PCDHA4: variants seen among roughly 807,000 people sequenced by gnomAD.
PCDHA4 encodes the protein protocadherin alpha-4.
A neutral mutation model predicts 61.4 loss-of-function variants in PCDHA4; 49 were observed. The observed-to-expected ratio is 0.80, with a 90% CI of 0.63 to 1.01. The LOEUF is 1.01. Ranked by LOEUF, PCDHA4 falls within the 50% of genes least tolerant of loss-of-function variation. The pLI, the probability that PCDHA4 is intolerant of heterozygous loss-of-function variation, is 0.00. For synonymous variants in PCDHA4, 590 were observed against 550.3 expected (o/e 1.07, Z -1.01); for missense variants, 1,254 against 1,235.8 (o/e 1.01, Z -0.22).
intron 1 of PCDHA4, among the ~76,000 whole-genome samples, chr5:140,888,291 A>G (rs539984108): frequency 9.2e-5 from 14 of 152,122 alleles, no homozygotes; most frequent in Admixed American, 5.2e-4. Flanking sequence ...TCTACCCCCT[A>G]CCCAGGAGAT....
chr5:140,908,763 G>A (rs1159029668), intron 1 of PCDHA4, among the ~76,000 whole-genome samples: 5 of 152,284 alleles, frequency 3.3e-5, no homozygotes, highest in East Asian at 3.9e-4. Context: ...CAGCCTGGAC[G>A]TGTTGTAGAG....
chr5:140,986,218 T>A (rs2153838096), intron 3 of PCDHA4, among the ~76,000 whole-genome samples: 1 of 152,304 alleles, frequency 6.6e-6, no homozygotes, highest in Non-Finnish European at 1.5e-5. Flanking sequence ...GGCCCCTTTC[T>A]CTAGCCTCCC....
intron 1 of PCDHA4, among the ~76,000 whole-genome samples, chr5:140,941,319 C>CTT (rs70988781): frequency 9.6e-6 from 1 of 104,394 alleles, no homozygotes; most frequent in African/African-American, 3.7e-5. Flanking sequence ...TCTTCTTTCT[C>CTT]TTTTTTTTTT....
chr5:140,946,611 A>T (rs868983636), intron 1 of PCDHA4, among the ~76,000 whole-genome samples: 1 of 86,804 alleles, frequency 1.2e-5, no homozygotes, highest in Admixed American at 1.2e-4. Context: ...GAAAATGTGA[A>T]ATATATATAT....
At chr5:140,892,561 A>T (rs766284976) in intron 1 of PCDHA4, among the ~76,000 whole-genome samples, 1 of 152,156 alleles carries the variant, frequency 6.6e-6, no homozygotes, top group Non-Finnish European at 1.5e-5. Context: ...GTCCTTGGAG[A>T]CTGTCAAAAG....
rs184537292 is a variant in PCDHA4, at chr5:140,970,210, C to T, written c.2386-8739C>T. Among the ~76,000 whole-genome samples, 8 of 152,308 alleles carry T rather than the reference C, an allele frequency of 5.3e-5. No homozygotes were observed. The East Asian group carries it at 1.5e-3, about 29-fold the overall frequency. On this transcript the variant is annotated intron_variant, in intron 1 of 3. Transcript: ENST00000530339. Reference sequence around the variant, plus strand: ...TGTAAGAGGATTTCCCTGAATTTAGCTTAAATGCAGCCTGTAATCTTCTGA... The same window carrying T: ...TGTAAGAGGATTTCCCTGAATTTAGTTTAAATGCAGCCTGTAATCTTCTGA...
intron 1 of PCDHA4, chr5:140,841,516 G>T: frequency 6.2e-7 from 1 of 1,612,986 alleles, no homozygotes; most frequent in South Asian, 1.1e-5. Flanking sequence ...GCCTGTTCCG[G>T]GTGGCGTCCA....
chr5:140,995,346 A>G (rs2097678208), intron 3 of PCDHA4, among the ~76,000 whole-genome samples: 2 of 151,964 alleles, frequency 1.3e-5, no homozygotes, highest in South Asian at 4.2e-4. Context: ...GACGGCATGG[A>G]TAGGTCGGAC....
chr5:140,859,050 C>T lies in PCDHA4; in HGVS notation c.2385+49478C>T, dbSNP rs1375477710. ...TGCTTTGAACTTTAAAAACGTTTTC[C>T]ATTTTTATTTTAGTTGTAGTGGTAC... On this transcript the variant is annotated intron_variant, in intron 1 of 3. Transcript: ENST00000530339. 1.3e-5 allele frequency: 2 copies of T among 150,490 alleles called. 1 individual carries two copies. The highest frequency in any genetic ancestry group is 3.0e-5 in the Non-Finnish European group (2 of 67,566). The allele number at this position is 150,490 out of a possible 1,614,324, so 9.3% of individuals were successfully genotyped here.
chr5:140,842,757 C>T (rs1481721691), intron 1 of PCDHA4: 2 of 1,594,844 alleles, frequency 1.3e-6, no homozygotes, highest in Non-Finnish European at 1.7e-6. Flanking sequence ...ACGGTGTCTG[C>T]GCGAGACGCG....
At chr5:140,944,880 C>T (rs1275494519) in intron 1 of PCDHA4, among the ~76,000 whole-genome samples, 1 of 152,150 alleles carries the variant, frequency 6.6e-6, no homozygotes, top group Non-Finnish European at 1.5e-5. Flanking sequence ...ACCTACTCCA[C>T]TGTACAGTTC....
rs1366864610 is a variant in PCDHA4 at position 141,006,125 on chromosome 5, G to A, written c.2534-3502G>A. ...AAGGAGTTTTTTTTTTTTTTCTCAA[G>A]GCAGTAGAAAGCTTAAGCAGAGGAG... On this transcript the variant is annotated intron_variant, in intron 3 of 3. Transcript: ENST00000530339. 4.7e-5 allele frequency among the ~76,000 whole-genome samples: 7 copies of A among 149,644 alleles called. No individual in the cohort carries two copies. The South Asian group carries it at 1.3e-3, about 27-fold the overall frequency.
chr5:140,848,596 C>T (rs2150413733), intron 1 of PCDHA4: 2 of 1,594,204 alleles, frequency 1.3e-6, no homozygotes, highest in East Asian at 2.2e-5. Flanking sequence ...CTCCACTACT[C>T]CGTCCCGGAG....
At chr5:140,838,888 C>A (rs1414271467) in intron 1 of PCDHA4, among the ~76,000 whole-genome samples, 1 of 151,692 alleles carries the variant, frequency 6.6e-6, no homozygotes, top group Non-Finnish European at 1.5e-5. Context: ...GAACTCCAGC[C>A]TAGGTGACAG....
intron 1 of PCDHA4, among the ~76,000 whole-genome samples, chr5:140,944,623 T>C (rs535315515): frequency 6.6e-6 from 1 of 152,320 alleles, no homozygotes; most frequent in East Asian, 1.9e-4. Flanking sequence ...AGAAGTATAG[T>C]GTTGTAAGCC....
intron 1 of PCDHA4, among the ~76,000 whole-genome samples, chr5:140,833,365 G>A (rs2150207922): frequency 1.3e-5 from 2 of 152,156 alleles, no homozygotes; most frequent in African/African-American, 2.4e-5. Flanking sequence ...ACACAGTAAG[G>A]TAGATCCAAA....
chr5:140,927,171 C>G (rs1554204119), intron 1 of PCDHA4: 5 of 1,614,164 alleles, frequency 3.1e-6, no homozygotes. Context: ...AAGCTGCCTG[C>G]GTCTTGACCT....
intron 1 of PCDHA4, chr5:140,926,928 G>GT: frequency 1.3e-6 from 2 of 1,574,878 alleles, no homozygotes; most frequent in South Asian, 2.4e-5. Context: ...TATGTTTGTG[G>GT]GTTTCCTGCG....
chr5:140,949,798 A>G (rs1021470816), intron 1 of PCDHA4, among the ~76,000 whole-genome samples: 1 of 151,786 alleles, frequency 6.6e-6, no homozygotes, highest in South Asian at 2.1e-4. Context: ...GTGTCCTTCA[A>G]TACATTATTT....
Sources: gnomAD v4.1 joint callset for allele counts (sites outside exome capture counted in the v4.1 genomes callset) on GRCh38, gnomAD v4.1.1 for gene constraint, MANE v1.5 for transcripts, NCBI Gene and HGNC (gene_info 2026-07-23, HGNC 2026-07-21) for gene names.